Variants in PVT1 observed in about 807,000 individuals in gnomAD.
PVT1 encodes Pvt1 oncogene, also known as CXCR4/PVT1 fusion.
At chr8:127,875,445 T>G (rs1398503044) in intron 2 of PVT1, among the ~76,000 whole-genome samples, 2 of 152,178 alleles carry the variant, frequency 1.3e-5, no homozygotes, top group East Asian at 3.8e-4. Context: ...TACTTCATCA[T>G]TAGACATATT....
At chr8:128,023,424 T>A (rs564538315) in intron 4 of PVT1, among the ~76,000 whole-genome samples, 1 of 152,288 alleles carries the variant, frequency 6.6e-6, no homozygotes, top group Non-Finnish European at 1.5e-5. Context: ...GGACACTTAG[T>A]GCTTATGCCA....
At chr8:127,889,351 A>C (rs4733802) in intron 2 of PVT1, among the ~76,000 whole-genome samples, 4,759 of 151,714 alleles carry the variant, frequency 0.031, 130 homozygotes, top group Admixed American at 0.085. Context: ...GCTGGTCTTG[A>C]ATTCCTGGCC....
At chr8:127,840,356 C>T (rs866839467) in intron 2 of PVT1, among the ~76,000 whole-genome samples, 9 of 152,200 alleles carry the variant, frequency 5.9e-5, no homozygotes, top group African/African-American at 7.2e-5. Flanking sequence ...GTCCAGACTA[C>T]GTGCCTCATG....
intron 4 of PVT1, among the ~76,000 whole-genome samples, chr8:128,060,792 T>C (rs1268202188): frequency 1.3e-5 from 2 of 152,208 alleles, no homozygotes; most frequent in Non-Finnish European, 2.9e-5. Flanking sequence ...AGATATAATT[T>C]ACATACCGTA....
At position 127,932,689 on chromosome 8, in the gene PVT1, A is replaced by G. The variant is rs181826992; in HGVS notation, n.782+41691A>G. 119 of 393,968 alleles carry G rather than the reference A, an allele frequency of 3.0e-4. 1 individual carries two copies. The East Asian group carries it at 3.8e-3, about 13-fold the overall frequency. The allele number at this position is 393,968 out of a possible 1,614,324, so 24.4% of individuals were successfully genotyped here. ...CTTTCTTTGCTAATAAAAAATAAAA[A>G]ATAAAAACATAATACACGTTATATT... On this transcript the variant is annotated intron_variant and non_coding_transcript_variant, in intron 3 of 10. Transcript: ENST00000651587.
At chr8:127,808,305 C>T (rs1197627384) in intron 2 of PVT1, among the ~76,000 whole-genome samples, 1 of 152,176 alleles carries the variant, frequency 6.6e-6, no homozygotes, top group East Asian at 1.9e-4. Flanking sequence ...GCCTCAGCCT[C>T]CCAAAGTGCT....
intron 3 of PVT1, among the ~76,000 whole-genome samples, chr8:127,903,967 T>A (rs940490560): frequency 8.5e-5 from 13 of 152,224 alleles, no homozygotes; most frequent in Non-Finnish European, 1.8e-4. Context: ...TGAAAAATGA[T>A]GTTGATAGTT....
chr8:127,812,603 GA>G (rs1259946831), intron 2 of PVT1, among the ~76,000 whole-genome samples: 2 of 126,128 alleles, frequency 1.6e-5, no homozygotes, highest in Admixed American at 9.7e-5. Context: ...AAGGAAGGAA[GA>G]AAAAAAAGAA....
intron 2 of PVT1, among the ~76,000 whole-genome samples, chr8:127,879,566 G>A (rs56881693): frequency 0.011 from 1,723 of 152,160 alleles, 39 homozygotes; most frequent in African/African-American, 0.039. Context: ...AAACAAAAAA[G>A]AACAAAGTCT....
rs1814748315 is a variant in PVT1 at position 127,822,831 on chromosome 8, C to A, written n.372+26760C>A. ...AAACTCAGTTTGCCTGAGCAAACTG[C>A]AATGTGGCAAGTGGGAAATGAACCC... is the stretch of plus-strand genomic sequence containing the variant. On this transcript the variant is annotated intron_variant and non_coding_transcript_variant, in intron 2 of 10. Coordinates refer to ENST00000651587, the Ensembl canonical transcript of PVT1. Among the ~76,000 whole-genome samples the A allele has an allele frequency of 2.0e-5, 3 of 152,142 alleles. No individual in the cohort carries two copies. The South Asian group carries it at 6.2e-4, about 32-fold the overall frequency.
chr8:128,096,041 G>T (rs1207301526), intron 5 of PVT1, among the ~76,000 whole-genome samples: 1 of 152,200 alleles, frequency 6.6e-6, no homozygotes, highest in East Asian at 1.9e-4. Flanking sequence ...CAACAAGTAG[G>T]CTCAGAGCAC....
At chr8:128,095,050 G>A (rs1035814054) in intron 5 of PVT1, among the ~76,000 whole-genome samples, 8 of 152,184 alleles carry the variant, frequency 5.3e-5, no homozygotes, top group African/African-American at 1.9e-4. Context: ...TCTTGCTTTG[G>A]GCGTTTTAAA....
chr8:128,084,105 C>T (rs750686344), intron 5 of PVT1, among the ~76,000 whole-genome samples: 3 of 152,164 alleles, frequency 2.0e-5, no homozygotes, highest in East Asian at 1.9e-4. Flanking sequence ...CTTTATCCCC[C>T]CCTTGGCAGC....
intron 4 of PVT1, among the ~76,000 whole-genome samples, chr8:128,057,071 C>G (rs1813770789): frequency 6.6e-6 from 1 of 152,164 alleles, no homozygotes; most frequent in African/African-American, 2.4e-5. Context: ...GAGCTGACGT[C>G]AAGTTTAGCT....
chr8:127,870,423 A>G (rs1815339647), intron 2 of PVT1, among the ~76,000 whole-genome samples: 1 of 152,174 alleles, frequency 6.6e-6, no homozygotes, highest in Admixed American at 6.5e-5. Flanking sequence ...GAACTGTGAG[A>G]GAGTGCATCT....
intron 4 of PVT1, among the ~76,000 whole-genome samples, chr8:128,001,309 G>A (rs1817174096): frequency 6.6e-6 from 1 of 152,214 alleles, no homozygotes; most frequent in Non-Finnish European, 1.5e-5. Context: ...GGTTCCCAGA[G>A]TGGGCAGGAC....
At position 127,921,854 on chromosome 8, in the gene PVT1, G is replaced by GTTTTTTTTTTTTTTTTT. The variant is rs71300279; in HGVS notation, n.782+30864_782+30880dup. ...AAAAAAATTATAATTTTTGGTTCAT[G>GTTTTTTTTTTTTTTTTT]TTTTTTTTTTTTTTTTTTTTTTTTG... On this transcript the variant is annotated intron_variant and non_coding_transcript_variant, in intron 3 of 10. Transcript: ENST00000651587. Among the ~76,000 whole-genome samples, 32 of 71,924 alleles carry GTTTTTTTTTTTTTTTTT rather than the reference G, an allele frequency of 4.4e-4. 4 individuals carry two copies. The highest frequency in any genetic ancestry group is 4.4e-3 in the South Asian group (6 of 1,376). The allele number at this position is 71,924 out of a possible 152,430, so 47.2% of individuals were successfully genotyped here.
intron 2 of PVT1, among the ~76,000 whole-genome samples, chr8:127,857,948 T>C (rs1229837512): frequency 1.3e-5 from 2 of 152,154 alleles, no homozygotes; most frequent in Non-Finnish European, 2.9e-5. Flanking sequence ...AAACTCTGGG[T>C]TGAGAAGAGA....
intron 3 of PVT1, among the ~76,000 whole-genome samples, chr8:127,935,179 T>C (rs926631505): frequency 5.3e-5 from 8 of 152,136 alleles, no homozygotes; most frequent in Non-Finnish European, 1.0e-4. Context: ...TTGGTCAGGC[T>C]GGTCTCGAGC....
Sources: gnomAD v4.1 joint callset for allele counts (sites outside exome capture counted in the v4.1 genomes callset) on GRCh38, gnomAD v4.1.1 for gene constraint, MANE v1.5 for transcripts, NCBI Gene and HGNC (gene_info 2026-07-23, HGNC 2026-07-21) for gene names.